The following UMPS variants were observed in gnomAD, a reference collection of about 807,000 sequenced individuals.
The protein encoded by UMPS is uridine monophosphate synthetase.
UMPS carries 21 observed loss-of-function variants against 38.9 expected under a neutral mutation model. That is an observed-to-expected ratio of 0.54 (90% CI 0.38 to 0.78). The LOEUF (loss-of-function observed/expected upper bound fraction) is 0.78, where lower values mean the gene tolerates loss of function less well. Ranked by LOEUF, UMPS falls within the 30% of genes least tolerant of loss-of-function variation. The probability of loss-of-function intolerance (pLI) is 0.00; values close to 1 mark genes in which losing one functional copy is unlikely to be tolerated. For synonymous variants in UMPS, 208 were observed against 219.3 expected, an observed-to-expected ratio of 0.95 and a Z score of 0.45; for missense variants, 533 against 591.6, an observed-to-expected ratio of 0.90 and a Z score of 1.03.
chr3:124,730,867 C>A (rs1047398289), intron 1 of UMPS, among the ~76,000 whole-genome samples: 2 of 152,148 alleles, frequency 1.3e-5, no homozygotes, highest in African/African-American at 4.8e-5. Flanking sequence ...GTCGGGAAAC[C>A]CAGTTTGGAA....
chr3:124,730,608 G>C lies in UMPS; in HGVS notation c.137G>C (p.Arg46Pro). Residue 46 changes from arginine (R) to proline (P), a missense_variant, in exon 1 of 6, where the codon CGA becomes CCA. Arg to Pro is a moderately radical substitution (Grantham distance 103, BLOSUM62 -2). Coordinates refer to ENST00000232607, the MANE Select transcript of UMPS (RefSeq NM_000373.4). ...IYIDLRGIVSRPRLLSQVADI... is the reference protein window; with the variant it reads ...IYIDLRGIVSPPRLLSQVADI... ...ATCGATCTGCGGGGCATCGTGTCTC[G>C]ACCGCGTCTTCTGAGTCAGGTGCTG... 4 of 1,611,668 alleles carry C rather than the reference G, an allele frequency of 2.5e-6. No individual in the cohort carries two copies. The highest frequency in any genetic ancestry group is 3.4e-6 in the Non-Finnish European group (4 of 1,177,988).
In UMPS at chr3:124,745,341, C is replaced by T. The variant is rs1211670923; in HGVS notation, c.*1257C>T. 1 of 452,496 alleles carries T rather than the reference C, an allele frequency of 2.2e-6. No individual in the cohort carries two copies. The highest frequency in any genetic ancestry group is 4.4e-6 in the Non-Finnish European group (1 of 226,634). 28.0% of individuals were successfully genotyped at this position (452,496 alleles called of 1,614,324 possible). A position where few individuals can be genotyped will look rare whatever the true frequency, so the allele number is the denominator to read the frequency against. The stretch of plus-strand genomic sequence containing the variant: ...CCTTGTCAGCTGATGGCCCACTGTT[C>T]TTTAATGACTCAGAGGAATGCCTAG... On this transcript the variant is annotated 3_prime_UTR_variant, in exon 6 of 6. Transcript: ENST00000232607.
chr3:124,731,880 GAA>G (rs61322671), intron 1 of UMPS, among the ~76,000 whole-genome samples: 3 of 121,462 alleles, frequency 2.5e-5, no homozygotes, highest in South Asian at 5.4e-4. Context: ...GACTGTCTCA[GAA>G]AAAAAAAAAA....
Position 124,746,174 on chromosome 3 carries a change from G to A in UMPS, c.*2090G>A, listed in dbSNP as rs931668051. The A allele has an allele frequency of 2.2e-6, 1 of 454,138 alleles. No individual in the cohort carries two copies. Among genetic ancestry groups the A allele is most frequent in the East Asian group, 6.9e-5 (1 of 14,392 alleles). 28.1% of individuals were successfully genotyped at this position (454,138 alleles called of 1,614,324 possible). ...CTGCCATCTCCAGGACGCAGGCACT[G>A]TTCCTGTTGATGAACCCTATTTCAC... On this transcript the variant is annotated 3_prime_UTR_variant, in exon 6 of 6. Coordinates refer to ENST00000232607, the MANE Select transcript of UMPS (RefSeq NM_000373.4).
chr3:124,741,283 T>C (rs992066923), intron 4 of UMPS, among the ~76,000 whole-genome samples: 16 of 152,162 alleles, frequency 1.1e-4, no homozygotes, highest in Admixed American at 7.2e-4. Flanking sequence ...AATGTATCAA[T>C]GTGTGTCTCA....
Position 124,746,164 on chromosome 3 carries a change from C to A in UMPS, c.*2080C>A, listed in dbSNP as rs758048526. On this transcript the variant is annotated 3_prime_UTR_variant, in exon 6 of 6. Transcript: ENST00000232607. ...ATGTGGGCTCCTGCCATCTCCAGGA[C>A]GCAGGCACTGTTCCTGTTGATGAAC... The A allele has an allele frequency of 1.5e-5, 7 of 453,928 alleles. No individual in the cohort carries two copies. Among genetic ancestry groups the A allele is most frequent in the Non-Finnish European group, 2.6e-5 (6 of 226,756 alleles). 28.1% of individuals were successfully genotyped at this position (453,928 alleles called of 1,614,324 possible).
In UMPS at chr3:124,730,480, CG is replaced by C. The variant is rs776857229; in HGVS notation, c.10del (p.Ala4LeufsTer9). MAV[A>X]RAALGPLVTG... ...ACAGGCAGCGCGCGACAATGGCGGTCGCTCGTGCAGCTTTGGGGCCATTGGT... is the reference window on the plus strand; with the variant it reads ...ACAGGCAGCGCGCGACAATGGCGGTCCTCGTGCAGCTTTGGGGCCATTGGT... On this transcript the variant is annotated frameshift_variant, in exon 1 of 6. Transcript: ENST00000232607. LOFTEE classifies it high-confidence loss of function. 6 of 1,614,120 alleles carry C rather than the reference CG, an allele frequency of 3.7e-6. No individual in the cohort carries two copies. Among genetic ancestry groups the C allele is most frequent in the Non-Finnish European group, 4.2e-6 (5 of 1,179,964 alleles).
rs760742170 is a variant in UMPS at position 124,746,480 on chromosome 3, A to G, written c.*2396A>G. 1.1e-5 allele frequency: 5 copies of G among 452,422 alleles called. No homozygotes were observed. Among genetic ancestry groups the G allele is most frequent in the South Asian group, 6.2e-5 (4 of 64,478 alleles). The allele number at this position is 452,422 out of a possible 1,614,324, so 28.0% of individuals were successfully genotyped here. On this transcript the variant is annotated 3_prime_UTR_variant, in exon 6 of 6. Transcript: ENST00000232607. ...TCTGGCATCAAAGCTTTAGAGGACA[A>G]GTTGATTCAGGCAGAGAAGAACTTG...
Position 124,737,904 on chromosome 3 carries a change from T to A in UMPS, c.647T>A (p.Leu216His). Residue 216 changes from leucine to histidine, a missense_variant, in exon 3 of 6, where the codon CTT becomes CAT. Coordinates refer to ENST00000232607, the MANE Select transcript of UMPS (RefSeq NM_000373.4). ...FVAANHNGSP[L>H]SIKEAPKELS... is the part of the protein sequence containing the mutation. ...GCAGCGAATCATAATGGTTCTCCCC[T>A]TTCTATAAAGGAAGCACCCAAAGAA... is the stretch of plus-strand genomic sequence containing the variant. 6.2e-7 allele frequency: 1 copy of A among 1,614,226 alleles called. No homozygotes were observed. The highest frequency in any genetic ancestry group is 8.5e-7 in the Non-Finnish European group (1 of 1,180,046).
chr3:124,740,156 G>A lies in UMPS; in HGVS notation c.1115G>A (p.Ser372Asn), dbSNP rs756264147. Residue 372 changes from serine to asparagine, a missense_variant, in exon 4 of 6, where the codon AGC becomes AAC. By Grantham distance (46) the Ser-to-Asn change is conservative. Transcript: ENST00000232607. Reference sequence around the variant, plus strand: ...GGGTGCCTCCTTATTGCGGAAATGAGCTCCACCGGCTCCCTGGCCACTGGG... The same window carrying A: ...GGGTGCCTCCTTATTGCGGAAATGAACTCCACCGGCTCCCTGGCCACTGGG... ...HRGCLLIAEM[S>N]STGSLATGDY... The A allele has an allele frequency of 1.2e-6, 2 of 1,613,660 alleles. No homozygotes were observed. Among genetic ancestry groups the A allele is most frequent in the Non-Finnish European group, 1.7e-6 (2 of 1,179,988 alleles).
rs200254851 is a variant in UMPS, at chr3:124,738,124, T to C, written c.867T>C (p.Asp289=). 2 of 1,614,204 alleles carry C rather than the reference T, an allele frequency of 1.2e-6. No homozygotes were observed. Among genetic ancestry groups the C allele is most frequent in the Non-Finnish European group, 1.7e-6 (2 of 1,180,036 alleles). ...AGACTCATGTAGATATTTTGAATGA[T>C]TTTACTCTGGATGTGATGAAGGAGT... ...MLKTHVDILN[D]FTLDVMKELI... The change falls in exon 3 of 6, where the codon GAT becomes GAC. Residue 289 remains aspartate, a synonymous_variant. Transcript: ENST00000232607.
At position 124,748,455 on chromosome 3, in the gene UMPS, A is replaced by T. The variant is rs1374531958; in HGVS notation, c.*4371A>T. 1 of 453,804 alleles carries T rather than the reference A, an allele frequency of 2.2e-6. No individual in the cohort carries two copies. The highest frequency in any genetic ancestry group is 4.4e-6 in the Non-Finnish European group (1 of 226,762). 28.1% of individuals were successfully genotyped at this position (453,804 alleles called of 1,614,324 possible). ...CAAAGAGAAACAAAATAATTAGAAT[A>T]TTTTTTAACTTCTAAAGTTCAAGGT... is the stretch of plus-strand genomic sequence containing the variant. On this transcript the variant is annotated 3_prime_UTR_variant, in exon 6 of 6. Coordinates refer to ENST00000232607, the MANE Select transcript of UMPS (RefSeq NM_000373.4).
chr3:124,744,953 G>T lies in UMPS; in HGVS notation c.*869G>T, dbSNP rs2063585431. 2.2e-6 allele frequency: 1 copy of T among 452,994 alleles called. No individual in the cohort carries two copies. The highest frequency in any genetic ancestry group is 4.4e-6 in the Non-Finnish European group (1 of 226,128). 28.1% of individuals were successfully genotyped at this position (452,994 alleles called of 1,614,324 possible). A position where few individuals can be genotyped will look rare whatever the true frequency, so the allele number is the denominator to read the frequency against. On this transcript the variant is annotated 3_prime_UTR_variant, in exon 6 of 6. Coordinates refer to ENST00000232607, the MANE Select transcript of UMPS (RefSeq NM_000373.4). ...GGAAGGTGACTATAGCTCAGCTCCT[G>T]AGCTAGTATCTGGCTGTTATTTCAA...
chr3:124,742,038 G>T, intron 4 of UMPS, 114 bp from the exon 5 acceptor site: 1 of 884,050 alleles, frequency 1.1e-6, no homozygotes, highest in South Asian at 1.5e-5. Flanking sequence ...AACATAGGGA[G>T]ACCTCATGTC....
rs898723052 is a variant in UMPS at position 124,746,733 on chromosome 3, C to T, written c.*2649C>T. 3.3e-5 allele frequency: 15 copies of T among 449,050 alleles called. No homozygotes were observed. The highest frequency in any genetic ancestry group is 6.2e-5 in the Non-Finnish European group (14 of 224,436). 27.8% of individuals were successfully genotyped at this position (449,050 alleles called of 1,614,324 possible). A position where few individuals can be genotyped will look rare whatever the true frequency, so the allele number is the denominator to read the frequency against. On this transcript the variant is annotated 3_prime_UTR_variant, in exon 6 of 6. Coordinates refer to ENST00000232607, the MANE Select transcript of UMPS (RefSeq NM_000373.4). ...AGCCTCTCCAGCTACTCGAGGCATT[C>T]TGTAGAACATAAGCCCATAGATTGT...
At chr3:124,736,548 C>T (rs976309040) in intron 2 of UMPS, among the ~76,000 whole-genome samples, 8 of 152,032 alleles carry the variant, frequency 5.3e-5, no homozygotes, top group Admixed American at 5.2e-4. Context: ...AGCCATCCTC[C>T]TGCCTCATCC....
At chr3:124,734,428 G>T (rs2063503053) in intron 1 of UMPS, among the ~76,000 whole-genome samples, 1 of 152,148 alleles carries the variant, frequency 6.6e-6, no homozygotes, top group Non-Finnish European at 1.5e-5. Flanking sequence ...AAGATGATAG[G>T]TTTAGATACT....
Position 124,745,368 on chromosome 3 carries a change from A to ATTTT in UMPS, c.*1296_*1299dup. On this transcript the variant is annotated 3_prime_UTR_variant, in exon 6 of 6. Transcript: ENST00000232607. ...TTAATGACTCAGAGGAATGCCTAGG[A>ATTTT]TTTTTTTTTTTTTTTGAGACAGAAT... 4.6e-6 allele frequency: 2 copies of ATTTT among 439,408 alleles called. No individual in the cohort carries two copies. Among genetic ancestry groups the ATTTT allele is most frequent in the Admixed American group, 2.4e-5 (1 of 40,914 alleles). The allele number at this position is 439,408 out of a possible 1,614,324, so 27.2% of individuals were successfully genotyped here.
Position 124,749,117 on chromosome 3 carries a change from C to G in UMPS, c.*5033C>G, listed in dbSNP as rs768405172. 2.2e-6 allele frequency: 1 copy of G among 454,084 alleles called. No individual in the cohort carries two copies. The highest frequency in any genetic ancestry group is 1.6e-5 in the South Asian group (1 of 64,472). 28.1% of individuals were successfully genotyped at this position (454,084 alleles called of 1,614,324 possible). ...AGGATCCTGAAATGATTGTATTTAA[C>G]AAGACATGCTGTCCTTGTTTACCTG... is the stretch of plus-strand genomic sequence containing the variant. On this transcript the variant is annotated 3_prime_UTR_variant, in exon 6 of 6. Transcript: ENST00000232607.
Sources: gnomAD v4.1 joint callset for allele counts (sites outside exome capture counted in the v4.1 genomes callset) on GRCh38, gnomAD v4.1.1 for gene constraint, MANE v1.5 for transcripts, NCBI Gene and HGNC (gene_info 2026-07-23, HGNC 2026-07-21) for gene names.